Variants in DCC observed in about 807,000 individuals in gnomAD.
DCC encodes DCC netrin 1 receptor.
Under a neutral mutation model 172.5 loss-of-function variants are expected in DCC, and 58 were observed. The ratio of observed to expected loss-of-function variants is 0.34; its 90% CI spans 0.27 to 0.42. DCC has a LOEUF of 0.42. Ranked by LOEUF, DCC falls within the 10% of genes least tolerant of loss-of-function variation. DCC has a pLI of 1.00. For synonymous variants in DCC, 709 were observed against 644.5 expected, an observed-to-expected ratio of 1.10 and a Z score of -1.52; for missense variants, 1,740 against 1,791.0, an observed-to-expected ratio of 0.97 and a Z score of 0.51.
At position 53,402,778 on chromosome 18, in the gene DCC, C is replaced by T. The variant is rs1302632076; in HGVS notation, c.2828-8C>T. ...ATGACAAGGCCTTATCTCTGTCTCA[C>T]CTCACAGCCCCCACCTCTGCTCCCA... On this transcript the variant is annotated splice_polypyrimidine_tract_variant and splice_region_variant and intron_variant, in intron 18 of 28. Transcript: ENST00000442544. 1 of 1,602,954 alleles carries T rather than the reference C, an allele frequency of 6.2e-7. No individual in the cohort carries two copies. Among genetic ancestry groups the T allele is most frequent in the East Asian group, 2.2e-5 (1 of 44,798 alleles).
At chr18:52,801,238 A>C (rs968438416) in intron 2 of DCC, among the ~76,000 whole-genome samples, 2 of 152,150 alleles carry the variant, frequency 1.3e-5, no homozygotes, top group African/African-American at 2.4e-5. Context: ...CCATTTTTAG[A>C]ATTTGCCACA....
rs144302421 is a variant in DCC at position 53,221,221 on chromosome 18, G to C, written c.1911+5624G>C. Among the ~76,000 whole-genome samples the C allele has an allele frequency of 4.3e-3, 647 of 151,808 alleles. 6 individuals are homozygous for C. Among genetic ancestry groups the C allele is most frequent in the African/African-American group, 0.015 (633 of 41,408 alleles). On this transcript the variant is annotated intron_variant, in intron 12 of 28. Coordinates refer to ENST00000442544, the MANE Select transcript of DCC (RefSeq NM_005215.4). Reference sequence around the variant, plus strand: ...TTTGTAAATGTGCAGTTTAAATGTGGTAAGTACATTCACATTGTTGTACAT... The same window carrying C: ...TTTGTAAATGTGCAGTTTAAATGTGCTAAGTACATTCACATTGTTGTACAT...
rs1163583272 is a variant in DCC at position 53,240,041 on chromosome 18, A to C, written c.1911+24444A>C. On this transcript the variant is annotated intron_variant, in intron 12 of 28. Coordinates refer to ENST00000442544, the MANE Select transcript of DCC (RefSeq NM_005215.4). ...GTTCTAGAGTTAAAAAAAAAAAAAAAAAAAAAAAACAACAAAACACTTTTT... is the reference window on the plus strand; with the variant it reads ...GTTCTAGAGTTAAAAAAAAAAAAAACAAAAAAAAACAACAAAACACTTTTT... Among the ~76,000 whole-genome samples the C allele has an allele frequency of 4.0e-3, 561 of 141,266 alleles. 6 individuals are homozygous for C. Among genetic ancestry groups the C allele is most frequent in the African/African-American group, 0.014 (543 of 39,778 alleles). 92.7% of individuals were successfully genotyped at this position (141,266 alleles called of 152,430 possible).
intron 1 of DCC, among the ~76,000 whole-genome samples, chr18:52,723,757 G>C (rs1267240924): frequency 6.6e-6 from 1 of 152,170 alleles, no homozygotes; most frequent in Non-Finnish European, 1.5e-5. Flanking sequence ...TTATATCCCA[G>C]AGTAAGGAAT....
At chr18:52,903,611 C>T (rs8091332) in intron 2 of DCC, among the ~76,000 whole-genome samples, 2,917 of 152,286 alleles carry the variant, frequency 0.019, 86 homozygotes, top group South Asian at 0.053. Context: ...ATTTTATTCT[C>T]ACCTACATAT....
At chr18:52,468,286 G>C (rs1226672061) in intron 1 of DCC, among the ~76,000 whole-genome samples, 1 of 152,198 alleles carries the variant, frequency 6.6e-6, no homozygotes, top group African/African-American at 2.4e-5. Context: ...ATGGGGAAGC[G>C]AGATGATGTA....
intron 2 of DCC, among the ~76,000 whole-genome samples, chr18:52,794,859 T>C (rs2037842789): frequency 6.6e-6 from 1 of 152,088 alleles, no homozygotes; most frequent in Non-Finnish European, 1.5e-5. Context: ...TATTGAATTT[T>C]ATCTTTTTGA....
At chr18:52,590,617 A>G (rs2033778484) in intron 1 of DCC, among the ~76,000 whole-genome samples, 1 of 152,156 alleles carries the variant, frequency 6.6e-6, no homozygotes, top group African/African-American at 2.4e-5. Context: ...TGCAGTTGTG[A>G]TTCTTGGCAC....
chr18:52,640,812 T>C (rs956175051), intron 1 of DCC, among the ~76,000 whole-genome samples: 5 of 152,088 alleles, frequency 3.3e-5, no homozygotes, highest in African/African-American at 4.8e-5. Context: ...ACAAATTCAA[T>C]ATAATCCCCA....
chr18:52,558,960 C>A (rs765982251), intron 1 of DCC, among the ~76,000 whole-genome samples: 1 of 152,248 alleles, frequency 6.6e-6, no homozygotes, highest in African/African-American at 2.4e-5. Flanking sequence ...AGTTTGCTTA[C>A]GGTTATCTCA....
At chr18:53,334,200 C>A (rs944134023) in intron 14 of DCC, among the ~76,000 whole-genome samples, 1 of 152,152 alleles carries the variant, frequency 6.6e-6, no homozygotes, top group Non-Finnish European at 1.5e-5. Flanking sequence ...CTCCAAACTT[C>A]TTTTTCACCC....
intron 16 of DCC, among the ~76,000 whole-genome samples, chr18:53,389,434 G>A (rs1198754470): frequency 1.3e-5 from 2 of 152,192 alleles, no homozygotes; most frequent in East Asian, 1.9e-4. Context: ...TGCTGGAAAT[G>A]CTCTATATCT....
chr18:53,047,902 GATGT>G (rs918877692), intron 5 of DCC, among the ~76,000 whole-genome samples: 3 of 129,636 alleles, frequency 2.3e-5, no homozygotes, highest in African/African-American at 1.1e-4. Context: ...TTTCCTTCGA[GATGT>G]GTGTGTGTGT....
At chr18:53,390,711 G>A (rs1292528290) in intron 16 of DCC, among the ~76,000 whole-genome samples, 4 of 152,112 alleles carry the variant, frequency 2.6e-5, no homozygotes. Flanking sequence ...ATTACAAGGT[G>A]TTTTGGAGAA....
At position 53,168,360 on chromosome 18, in the gene DCC, T is replaced by C. The variant is rs188127497; in HGVS notation, c.1419-10602T>C. On this transcript the variant is annotated intron_variant, in intron 8 of 28. Transcript: ENST00000442544. ...CTGGAAAAAGAAAATGTGGCACATA[T>C]ACACCATGGAAAACCATGCAGCCAT... 4.4e-3 allele frequency among the ~76,000 whole-genome samples: 669 copies of C among 152,130 alleles called. 4 individuals carry two copies. The highest frequency in any genetic ancestry group is 0.015 in the African/African-American group (624 of 41,494).
chr18:52,708,268 C>T (rs1252621664), intron 1 of DCC, among the ~76,000 whole-genome samples: 3 of 151,910 alleles, frequency 2.0e-5, no homozygotes, highest in Admixed American at 6.6e-5. Flanking sequence ...AGTGAAACCC[C>T]GTCTCTACTA....
chr18:52,568,654 T>A (rs1169075063), intron 1 of DCC, among the ~76,000 whole-genome samples: 1 of 152,126 alleles, frequency 6.6e-6, no homozygotes, highest in Non-Finnish European at 1.5e-5. Context: ...GTGAGTTTCA[T>A]ATGTTTACTA....
intron 27 of DCC, among the ~76,000 whole-genome samples, chr18:53,501,737 A>C (rs1275990367): frequency 6.6e-6 from 1 of 152,188 alleles, no homozygotes; most frequent in Admixed American, 6.5e-5. Flanking sequence ...TTAAATGAAA[A>C]ATTTTACTGC....
intron 7 of DCC, among the ~76,000 whole-genome samples, chr18:53,113,010 G>A (rs1409447528): frequency 6.6e-6 from 1 of 151,392 alleles, no homozygotes; most frequent in Non-Finnish European, 1.5e-5. Flanking sequence ...CTGATTCATA[G>A]AATCAATAAT....
Sources: allele counts gnomAD v4.1 joint callset (sites outside exome capture counted in the v4.1 genomes callset), GRCh38; gene constraint gnomAD v4.1.1; transcripts MANE v1.5; gene names NCBI Gene and HGNC (gene_info 2026-07-23, HGNC 2026-07-21).